Variants in NCK1 observed in about 807,000 individuals in gnomAD.
NCK1 encodes SH2/SH3 adapter protein NCK1.
Under a neutral mutation model 36.6 loss-of-function variants are expected in NCK1, and 19 were observed. The ratio of observed to expected loss-of-function variants is 0.52; its 90% CI spans 0.36 to 0.76. The LOEUF (loss-of-function observed/expected upper bound fraction) is 0.76, where lower values mean the gene tolerates loss of function less well. NCK1 is among the 30% of genes least tolerant of loss of function. The pLI is 0.00. For synonymous variants in NCK1, 165 were observed against 156.0 expected (o/e 1.06, Z -0.43); for missense variants, 358 against 445.6 (o/e 0.80, Z 1.77).
chr3:136,930,864 G>C (rs1940372242), intron 2 of NCK1, among the ~76,000 whole-genome samples: 1 of 152,068 alleles, frequency 6.6e-6, no homozygotes, highest in Non-Finnish European at 1.5e-5. Flanking sequence ...TTCTAATTCA[G>C]TAATTTTCAA....
At chr3:136,895,127 G>A (rs1939356707) in intron 1 of NCK1, among the ~76,000 whole-genome samples, 1 of 152,000 alleles carries the variant, frequency 6.6e-6, no homozygotes, top group African/African-American at 2.4e-5. Context: ...CACCCGCCTC[G>A]GCCTCCCAAA....
intron 1 of NCK1, among the ~76,000 whole-genome samples, chr3:136,902,164 A>G (rs1036010120): frequency 3.4e-5 from 5 of 147,540 alleles, no homozygotes; most frequent in African/African-American, 9.9e-5. Flanking sequence ...TATAGTTTCC[A>G]GAGTTCTTCT....
At chr3:136,883,380 T>A (rs1938996159) in intron 1 of NCK1, among the ~76,000 whole-genome samples, 1 of 152,112 alleles carries the variant, frequency 6.6e-6, no homozygotes, top group Admixed American at 6.6e-5. Flanking sequence ...ACTTTGCAGT[T>A]TCTTTTGCTT....
At chr3:136,890,931 A>G (rs546571530) in intron 1 of NCK1, among the ~76,000 whole-genome samples, 5 of 152,260 alleles carry the variant, frequency 3.3e-5, no homozygotes, top group South Asian at 2.1e-4. Context: ...TCTACTTTCT[A>G]TCTCTATGAA....
chr3:136,901,061 G>T (rs1204464686), intron 1 of NCK1, among the ~76,000 whole-genome samples: 2 of 152,098 alleles, frequency 1.3e-5, no homozygotes, highest in African/African-American at 4.8e-5. Flanking sequence ...TATGACCTTT[G>T]TTATGTTGAA....
Position 136,913,825 on chromosome 3 carries a change from C to T in NCK1, c.-18-14159C>T, listed in dbSNP as rs536047194. Among the ~76,000 whole-genome samples the T allele has an allele frequency of 3.3e-5, 5 of 152,290 alleles. No homozygotes were observed. The East Asian group carries it at 7.7e-4, about 24-fold the overall frequency. On this transcript the variant is annotated intron_variant, in intron 1 of 3. Coordinates refer to ENST00000481752, the MANE Select transcript of NCK1 (RefSeq NM_001291999.2). ...CTGGGACTACAGGCGCCCGCCACCG[C>T]GCCCAACTAATTTTGTGTATTTTTA...
chr3:136,887,035 G>A (rs758491058), intron 1 of NCK1, among the ~76,000 whole-genome samples: 1 of 151,916 alleles, frequency 6.6e-6, no homozygotes, highest in Non-Finnish European at 1.5e-5. Flanking sequence ...GTAGAGACGG[G>A]GTTTCATTAT....
At chr3:136,902,181 T>A (rs2108101336) in intron 1 of NCK1, among the ~76,000 whole-genome samples, 1 of 89,062 alleles carries the variant, frequency 1.1e-5, no homozygotes, top group African/African-American at 3.8e-5. Context: ...TTCTTAACTC[T>A]TTGTTTTTTT....
intron 2 of NCK1, among the ~76,000 whole-genome samples, chr3:136,939,143 T>C (rs567386892): frequency 5.4e-4 from 83 of 152,358 alleles, no homozygotes; most frequent in African/African-American, 1.8e-3. Context: ...TGTTACTGAT[T>C]GAATCTTTTA....
intron 2 of NCK1, among the ~76,000 whole-genome samples, chr3:136,933,731 G>A (rs1940451422): frequency 1.3e-5 from 2 of 151,216 alleles, no homozygotes; most frequent in South Asian, 4.2e-4. Context: ...TCTTGAGACA[G>A]TCTTGCTCTG....
chr3:136,865,240 G>A (rs546757142), intron 1 of NCK1, among the ~76,000 whole-genome samples: 1 of 152,218 alleles, frequency 6.6e-6, no homozygotes, highest in East Asian at 1.9e-4. Flanking sequence ...ACAGGCATGA[G>A]CCACCACGCC....
chr3:136,934,810 T>C (rs913535296), intron 2 of NCK1, among the ~76,000 whole-genome samples: 3 of 152,230 alleles, frequency 2.0e-5, no homozygotes, highest in East Asian at 1.9e-4. Context: ...ATAGTAGATA[T>C]TTTATTACTA....
intron 2 of NCK1, chr3:136,930,623 G>C: frequency 7.2e-7 from 1 of 1,396,594 alleles, no homozygotes; most frequent in Non-Finnish European, 9.4e-7. Context: ...TAAATCCACT[G>C]TTTTCTTGAA....
rs1938638034 is a variant in NCK1 at position 136,872,093 on chromosome 3, G to A, written c.-19+9740G>A. 3.3e-5 allele frequency among the ~76,000 whole-genome samples: 5 copies of A among 152,338 alleles called. No homozygotes were observed. The South Asian group carries it at 1.0e-3, about 32-fold the overall frequency. On this transcript the variant is annotated intron_variant, in intron 1 of 3. Coordinates refer to ENST00000481752, the MANE Select transcript of NCK1 (RefSeq NM_001291999.2). ...ACCCGAAAATGTGGAAGCAACTTTG[G>A]AACTGGGTAACAGGCAGAGGTTGGA...
intron 1 of NCK1, among the ~76,000 whole-genome samples, chr3:136,919,063 T>G (rs1940038995): frequency 6.6e-6 from 1 of 152,148 alleles, no homozygotes; most frequent in Non-Finnish European, 1.5e-5. Context: ...ACAACACAAA[T>G]GAAACAAATG....
At position 136,872,678 on chromosome 3, in the gene NCK1, A is replaced by G. The variant is rs1459362525; in HGVS notation, c.-19+10325A>G. Among the ~76,000 whole-genome samples, 5 of 152,114 alleles carry G rather than the reference A, an allele frequency of 3.3e-5. No individual in the cohort carries two copies. The East Asian group carries it at 9.7e-4, about 29-fold the overall frequency. ...ACAGGCGTGGAAGCCTTGGAGGAAA[A>G]AGTGGTTTTGTGAGCCAGACCCAAT... On this transcript the variant is annotated intron_variant, in intron 1 of 3. Transcript: ENST00000481752.
At chr3:136,895,012 A>G (rs2108093166) in intron 1 of NCK1, among the ~76,000 whole-genome samples, 1 of 152,230 alleles carries the variant, frequency 6.6e-6, no homozygotes, top group Non-Finnish European at 1.5e-5. Context: ...AGTAGCTGGG[A>G]TTACAGGCAT....
chr3:136,869,665 T>C (rs1474304000), intron 1 of NCK1, among the ~76,000 whole-genome samples: 1 of 152,246 alleles, frequency 6.6e-6, no homozygotes, highest in East Asian at 1.9e-4. Flanking sequence ...ACAGAAACCA[T>C]GTATGGTTGC....
Position 136,893,147 on chromosome 3 carries a change from AGTGT to A in NCK1, c.-19+30823_-19+30826del, listed in dbSNP as rs142883729. Among the ~76,000 whole-genome samples, 359 of 41,914 alleles carry A rather than the reference AGTGT, an allele frequency of 8.6e-3. 33 individuals carry two copies. Among genetic ancestry groups the A allele is most frequent in the African/African-American group, 0.027 (338 of 12,576 alleles). The allele number at this position is 41,914 out of a possible 152,430, so 27.5% of individuals were successfully genotyped here. On this transcript the variant is annotated intron_variant, in intron 1 of 3. Transcript: ENST00000481752. ...TTTTTATGGCTAAGTAATATTCCATAGTGTGTGTGTGTGTGTGTGTGTGTGTGTG... is the reference window on the plus strand; with the variant it reads ...TTTTTATGGCTAAGTAATATTCCATAGTGTGTGTGTGTGTGTGTGTGTGTG...
Sources: allele counts gnomAD v4.1 joint callset (sites outside exome capture counted in the v4.1 genomes callset), GRCh38; gene constraint gnomAD v4.1.1; transcripts MANE v1.5; gene names NCBI Gene and HGNC (gene_info 2026-07-23, HGNC 2026-07-21).